MREG: variants seen among roughly 807,000 people sequenced by gnomAD.
The protein encoded by MREG is melanoregulin, also known as dilute suppressor protein homolog.
A neutral mutation model predicts 28.5 loss-of-function variants in MREG; 31 were observed. The observed-to-expected ratio is 1.09, with a 90% CI of 0.82 to 1.47. The LOEUF is 1.47. Ranked by LOEUF, MREG falls within the 40% of genes most tolerant of loss-of-function variation. The probability of loss-of-function intolerance (pLI) is 0.00; values close to 1 mark genes in which losing one functional copy is unlikely to be tolerated. For missense variants in MREG, 256 were observed against 257.4 expected (o/e 0.99, Z 0.04); for synonymous variants, 106 against 95.2 (o/e 1.11, Z -0.66).
At chr2:216,020,583 G>A (rs1231034525) in intron 1 of MREG, among the ~76,000 whole-genome samples, 1 of 152,246 alleles carries the variant, frequency 6.6e-6, no homozygotes, top group Non-Finnish European at 1.5e-5. Flanking sequence ...AAGTGAAGAG[G>A]AGCTGAGGAG....
intron 2 of MREG, among the ~76,000 whole-genome samples, chr2:215,981,584 T>C (rs185693419): frequency 1.2e-4 from 19 of 152,272 alleles, no homozygotes; most frequent in Non-Finnish European, 2.1e-4. Context: ...TGCCAAAAAA[T>C]ATGAACGTAC....
At chr2:216,029,028 A>G (rs1694640410) in intron 1 of MREG, among the ~76,000 whole-genome samples, 2 of 152,204 alleles carry the variant, frequency 1.3e-5, no homozygotes, top group South Asian at 4.1e-4. Flanking sequence ...AGATACACAA[A>G]TTTCTGACCA....
At chr2:215,989,834 C>T (rs962301970) in intron 2 of MREG, among the ~76,000 whole-genome samples, 2 of 151,468 alleles carry the variant, frequency 1.3e-5, no homozygotes, top group Non-Finnish European at 2.9e-5. Flanking sequence ...AGCATGAAGA[C>T]AAGATTAGAG....
chr2:215,949,657 A>C (rs1014842034), intron 2 of MREG, among the ~76,000 whole-genome samples: 1 of 151,892 alleles, frequency 6.6e-6, no homozygotes, highest in Non-Finnish European at 1.5e-5. Flanking sequence ...ATTTGTGAGG[A>C]CCTCCAGAAG....
At chr2:215,977,098 A>G (rs1411056209) in intron 2 of MREG, among the ~76,000 whole-genome samples, 1 of 152,236 alleles carries the variant, frequency 6.6e-6, no homozygotes, top group East Asian at 1.9e-4. Flanking sequence ...CTGGATAAAG[A>G]GTCATGACCC....
downstream of MREG, among the ~76,000 whole-genome samples, chr2:215,942,227 C>A (rs1692206463): frequency 6.6e-6 from 1 of 152,054 alleles, no homozygotes; most frequent in African/African-American, 2.4e-5. Flanking sequence ...CCTGCATACA[C>A]AGATGAGCCT....
intron 2 of MREG, among the ~76,000 whole-genome samples, chr2:215,976,107 CAAA>C (rs11323124): frequency 1.4e-5 from 2 of 139,418 alleles, no homozygotes; most frequent in Admixed American, 1.4e-4. Flanking sequence ...GACTCCGTCT[CAAA>C]AAAAAAAAAA....
intron 4 of MREG, among the ~76,000 whole-genome samples, chr2:215,945,355 A>G (rs761801218): frequency 2.0e-5 from 3 of 152,250 alleles, no homozygotes; most frequent in Non-Finnish European, 4.4e-5. Context: ...CCCAAGCCTC[A>G]GTAGGTCTAC....
At chr2:216,029,883 T>C (rs367908174) in intron 1 of MREG, among the ~76,000 whole-genome samples, 13 of 152,384 alleles carry the variant, frequency 8.5e-5, no homozygotes, top group East Asian at 7.7e-4. Context: ...GGAATGTGCA[T>C]GCCAAGCAAA....
chr2:215,992,365 C>G (rs1183790529), intron 2 of MREG, among the ~76,000 whole-genome samples: 1 of 152,178 alleles, frequency 6.6e-6, no homozygotes, highest in Non-Finnish European at 1.5e-5. Flanking sequence ...GCTAAAAACT[C>G]TCAATAAACT....
intron 2 of MREG, among the ~76,000 whole-genome samples, chr2:215,964,014 T>C (rs758655387): frequency 2.3e-4 from 35 of 152,286 alleles, no homozygotes; most frequent in Non-Finnish European, 3.4e-4. Context: ...ACTTAACTGA[T>C]AGCTACACTT....
rs143078123 is a variant in MREG at position 216,022,066 on chromosome 2, C to T, written c.-68+10723G>A. 2.0e-3 allele frequency among the ~76,000 whole-genome samples: 297 copies of T among 152,152 alleles called. 1 individual carries two copies. Among genetic ancestry groups the T allele is most frequent in the African/African-American group, 6.8e-3 (283 of 41,528 alleles). ...CAGCCTGGCCAACATGGTGAAACTC[C>T]GTCTCTGCTAAAAAGACAAAAATTA... On this transcript the variant is annotated intron_variant, in intron 1 of 3. Coordinates refer to the MREG transcript ENST00000420348.
chr2:215,997,428 C>A (rs1232453594), intron 1 of MREG, among the ~76,000 whole-genome samples: 1 of 152,148 alleles, frequency 6.6e-6, no homozygotes, highest in Non-Finnish European at 1.5e-5. Context: ...ACTTCTGTAA[C>A]CCCCAGTTGA....
chr2:216,020,352 G>A (rs1694502701), intron 1 of MREG, among the ~76,000 whole-genome samples: 1 of 152,164 alleles, frequency 6.6e-6, no homozygotes, highest in Non-Finnish European at 1.5e-5. Context: ...TTTCATCTCT[G>A]AGCTCTGAGT....
intron 2 of MREG, among the ~76,000 whole-genome samples, chr2:215,985,880 G>A (rs1287391013): frequency 6.6e-6 from 1 of 151,944 alleles, no homozygotes; most frequent in Non-Finnish European, 1.5e-5. Flanking sequence ...TTGTTCCTTA[G>A]TAAGTGAAAT....
At position 215,975,943 on chromosome 2, in the gene MREG, G is replaced by A. The variant is rs571036617; in HGVS notation, c.255+20363C>T. On this transcript the variant is annotated intron_variant, in intron 2 of 4. Coordinates refer to ENST00000263268, the MANE Select transcript of MREG (RefSeq NM_018000.3). ...TCTACTAAAAATACAAAAAGTAGCCGGGCATGGTGGTGTGCACCTGTAATC... is the reference window on the plus strand; with the variant it reads ...TCTACTAAAAATACAAAAAGTAGCCAGGCATGGTGGTGTGCACCTGTAATC... Among the ~76,000 whole-genome samples the A allele has an allele frequency of 3.3e-5, 5 of 152,184 alleles. No individual in the cohort carries two copies. In the South Asian group the frequency reaches 8.3e-4, roughly 25 times the overall value.
At chr2:215,949,080 AC>A (rs1559173532) in intron 2 of MREG, among the ~76,000 whole-genome samples, 11,572 of 115,022 alleles carry the variant, frequency 0.1, 537 homozygotes, top group Non-Finnish European at 0.13. Context: ...TACTACTACT[AC>A]TACTACTAAT....
intron 1 of MREG, among the ~76,000 whole-genome samples, chr2:216,025,728 C>T (rs1318310571): frequency 6.6e-6 from 1 of 152,204 alleles, no homozygotes; most frequent in Non-Finnish European, 1.5e-5. Flanking sequence ...AGGGCCGTGT[C>T]GGGCAACACT....
At chr2:216,012,242 C>G (rs1694332980) in intron 1 of MREG, among the ~76,000 whole-genome samples, 2 of 152,070 alleles carry the variant, frequency 1.3e-5, no homozygotes, top group Non-Finnish European at 2.9e-5. Flanking sequence ...GTGGATTATT[C>G]CCACGGCCGC....
Sources: allele counts gnomAD v4.1 joint callset (sites outside exome capture counted in the v4.1 genomes callset), GRCh38; gene constraint gnomAD v4.1.1; transcripts MANE v1.5; gene names NCBI Gene and HGNC (gene_info 2026-07-23, HGNC 2026-07-21).